PGLYRP2: variants seen among roughly 807,000 people sequenced by gnomAD.
PGLYRP2 encodes N-acetylmuramoyl-L-alanine amidase.
A neutral mutation model predicts 46.2 loss-of-function variants in PGLYRP2; 38 were observed. That is an observed-to-expected ratio of 0.82 (90% CI 0.64 to 1.08). The LOEUF is 1.08. Among genes scored for constraint, PGLYRP2 ranks in the 50% least tolerant of loss-of-function variants. The pLI is 0.00. For synonymous variants in PGLYRP2, 289 were observed against 329.4 expected (o/e 0.88, Z 1.33); for missense variants, 713 against 755.9 (o/e 0.94, Z 0.67).
rs572479573 is a variant in PGLYRP2 at position 15,470,814 on chromosome 19, T to G, written c.1344-885A>C. Among the ~76,000 whole-genome samples the G allele has an allele frequency of 2.5e-3, 385 of 151,394 alleles. 1 individual carries two copies. The highest frequency in any genetic ancestry group is 8.8e-3 in the African/African-American group (364 of 41,226). On this transcript the variant is annotated intron_variant, in intron 3 of 4. Transcript: ENST00000340880. ...CATGCACCACCACGCCCGGCTAATT[T>G]TGTATTTTTAGTAGAGACGGGGTTT...
intron 4 of PGLYRP2, 30 bp from the exon 5 acceptor site, chr19:15,468,782 G>C: frequency 6.4e-7 from 1 of 1,573,754 alleles, no homozygotes; most frequent in Non-Finnish European, 8.7e-7. Context: ...TGTGAGGCTT[G>C]GGGGTGGTTG....
rs1313338773 is a variant in PGLYRP2, at chr19:15,475,786, G to T, written c.884C>A (p.Ser295Tyr). 6.2e-7 allele frequency: 1 copy of T among 1,613,972 alleles called. No homozygotes were observed. Among genetic ancestry groups the T allele is most frequent in the Non-Finnish European group, 8.5e-7 (1 of 1,180,004 alleles). ...GTACTGGCTCAGCAAGTGGCTGAGG[G>T]ATGGCCGGGGCTCAGGAGTCCGGCT... ...YLSRTPEPRP[S>Y]LSHLLSQYYG... Residue 295 changes from serine (S) to tyrosine (Y), a missense_variant, in exon 2 of 5, where the codon TCC becomes TAC. Ser to Tyr is a moderately radical substitution (Grantham distance 144). Coordinates refer to ENST00000340880, the MANE Select transcript of PGLYRP2 (RefSeq NM_052890.4).
chr19:15,475,438 C>CCCTCTGGACTCTCCTAGT, intron 2 of PGLYRP2, 100 bp downstream of exon 2: 2 of 1,193,154 alleles, frequency 1.7e-6, no homozygotes, highest in Non-Finnish European at 2.4e-6. Flanking sequence ...CCTTATTGCC[C>CCCTCTGGACTCTCCTAGT]CCTCTGGACT....
intron 2 of PGLYRP2, 145 bp from the exon 3 acceptor site, chr19:15,472,245 T>A: frequency 1.5e-6 from 1 of 654,058 alleles, no homozygotes; most frequent in Non-Finnish European, 2.6e-6. Context: ...TGGTCCTCCC[T>A]GGGGACCAAC....
chr19:15,476,628 G>C lies in PGLYRP2; in HGVS notation c.62-20C>G. Reference sequence around the variant, plus strand: ...GGGAGGCTGCAGGAGGAAAGAATGTGTTAGCCCAGCCCCACCCATTCCTGA... The same window carrying C: ...GGGAGGCTGCAGGAGGAAAGAATGTCTTAGCCCAGCCCCACCCATTCCTGA... On this transcript the variant is annotated intron_variant, in intron 1 of 4. Transcript: ENST00000340880. 1 of 1,546,854 alleles carries C rather than the reference G, an allele frequency of 6.5e-7. No homozygotes were observed. Among genetic ancestry groups the C allele is most frequent in the Non-Finnish European group, 8.7e-7 (1 of 1,148,212 alleles).
Position 15,469,004 on chromosome 19 carries a change from G to C in PGLYRP2, c.1642-252C>G. 1 of 514,086 alleles carries C rather than the reference G, an allele frequency of 1.9e-6. No homozygotes were observed. Among genetic ancestry groups the C allele is most frequent in the Non-Finnish European group, 3.5e-6 (1 of 288,030 alleles). 31.8% of individuals were successfully genotyped at this position (514,086 alleles called of 1,614,324 possible). ...GTTTTAGTGATGGCGATCAAGGGCT[G>C]GGATGAGGTCATCAGGTCAAAGTTG... On this transcript the variant is annotated intron_variant, in intron 4 of 4. Coordinates refer to ENST00000340880, the MANE Select transcript of PGLYRP2 (RefSeq NM_052890.4). This position sits in a 1 kb window ranked among gnomAD's most constrained non-coding sequence, Gnocchi z 4.9.
chr19:15,479,415 C>G lies in PGLYRP2; in HGVS notation c.-44G>C. 1 of 1,594,350 alleles carries G rather than the reference C, an allele frequency of 6.3e-7. No individual in the cohort carries two copies. The highest frequency in any genetic ancestry group is 8.6e-7 in the Non-Finnish European group (1 of 1,166,098). ...TCCAAGGGGTATTTCTGGTTGGCCT[C>G]GGCAGAGAACCTCGGCAGTGCTGGA... On this transcript the variant is annotated 5_prime_UTR_variant, in exon 1 of 5. Coordinates refer to ENST00000340880, the MANE Select transcript of PGLYRP2 (RefSeq NM_052890.4).
Position 15,477,533 on chromosome 19 carries a change from A to G in PGLYRP2, c.62-925T>C, listed in dbSNP as rs563847766. On this transcript the variant is annotated intron_variant, in intron 1 of 4. Transcript: ENST00000340880. ...ATCAACATGGCGAGACTCCGTCACT[A>G]CTAAAAATACAAAAATTAGCTGGGC... 1.8e-3 allele frequency among the ~76,000 whole-genome samples: 277 copies of G among 151,616 alleles called. 1 individual carries two copies. Among genetic ancestry groups the G allele is most frequent in the Non-Finnish European group, 3.5e-3 (236 of 67,908 alleles).
Position 15,469,991 on chromosome 19 carries a change from C to T in PGLYRP2, c.1344-62G>A, listed in dbSNP as rs1970729989. 1.5e-6 allele frequency: 2 copies of T among 1,336,354 alleles called. No individual in the cohort carries two copies. Among genetic ancestry groups the T allele is most frequent in the African/African-American group, 3.0e-5 (2 of 65,992 alleles). The allele number at this position is 1,336,354 out of a possible 1,614,324, so 82.8% of individuals were successfully genotyped here. On this transcript the variant is annotated intron_variant, in intron 3 of 4. Coordinates refer to ENST00000340880, the MANE Select transcript of PGLYRP2 (RefSeq NM_052890.4). This position sits in a 1 kb window ranked among gnomAD's most constrained non-coding sequence, Gnocchi z 4.9. ...TGAGGGGGACCCGGGCCCTTATCCG[C>T]TCCCCTCCCCGATTCTGTTGGTGTG...
chr19:15,470,237 T>TTCCTTTCCTTCC (rs1970732105), intron 3 of PGLYRP2, among the ~76,000 whole-genome samples: 9 of 113,890 alleles, frequency 7.9e-5, no homozygotes, highest in African/African-American at 1.6e-4. Flanking sequence ...TTGGGTTTTT[T>TTCCTTTCCTTCC]TTCTTTCCTT....
chr19:15,474,022 C>G (rs547139982), intron 2 of PGLYRP2, among the ~76,000 whole-genome samples: 10 of 152,246 alleles, frequency 6.6e-5, no homozygotes, highest in Admixed American at 3.3e-4. Flanking sequence ...TCATCTTACT[C>G]TAATCAGAAT....
intron 4 of PGLYRP2, 97 bp from the exon 5 acceptor site, chr19:15,468,849 A>C: frequency 1.2e-6 from 1 of 853,660 alleles, no homozygotes; most frequent in Non-Finnish European, 1.8e-6. Context: ...GGGAGGGGAC[A>C]GTGGCCCAAA....
Position 15,469,169 on chromosome 19 carries a change from T to C in PGLYRP2, c.1642-417A>G, listed in dbSNP as rs1970719401. On this transcript the variant is annotated intron_variant, in intron 4 of 4. Transcript: ENST00000340880. The surrounding 1 kb of genome is among the most constrained non-coding windows in gnomAD (Gnocchi z 4.9). ...GTTGTGAAGGCAAAAGGTCACAGCCTAGGTTCATGTTGTGTGGACAGAGGG... is the reference window on the plus strand; with the variant it reads ...GTTGTGAAGGCAAAAGGTCACAGCCCAGGTTCATGTTGTGTGGACAGAGGG... 1.7e-6 allele frequency: 1 copy of C among 578,164 alleles called. No individual in the cohort carries two copies. The highest frequency in any genetic ancestry group is 3.2e-5 in the Admixed American group (1 of 31,560). 35.8% of individuals were successfully genotyped at this position (578,164 alleles called of 1,614,324 possible). A position where few individuals can be genotyped will look rare whatever the true frequency, so the allele number is the denominator to read the frequency against.
In PGLYRP2 at chr19:15,476,183, G is replaced by T. The variant is rs1970794081; in HGVS notation, c.487C>A (p.Pro163Thr). The part of the protein sequence containing the change: ...DTFPDVVAIA[P>T]DVRATSSPGL... ...GGGGAGGAGGTGGCTCTTACATCTG[G>T]AGCAATGGCCACAACATCTGGAAAG... is the stretch of plus-strand genomic sequence containing the variant. The change falls in exon 2 of 5, where the codon CCA becomes ACA. Residue 163 changes from proline to threonine, a missense_variant. Pro to Thr is a conservative substitution (Grantham distance 38). Transcript: ENST00000340880. 1 of 1,614,042 alleles carries T rather than the reference G, an allele frequency of 6.2e-7. No homozygotes were observed. The highest frequency in any genetic ancestry group is 1.3e-5 in the African/African-American group (1 of 74,910).
At chr19:15,471,849 G>T (rs1207783653) in intron 3 of PGLYRP2, 41 bp downstream of exon 3, 10 of 1,594,444 alleles carry the variant, frequency 6.3e-6, no homozygotes, top group Non-Finnish European at 7.7e-6. Flanking sequence ...CCCCATCCCC[G>T]AACGTGGGCC....
chr19:15,470,249 C>T (rs541290460), intron 3 of PGLYRP2, among the ~76,000 whole-genome samples: 1,447 of 102,634 alleles, frequency 0.014, 15 homozygotes, highest in East Asian at 0.03. Flanking sequence ...TCTTTCCTTC[C>T]TTCCTTCCTT....
At chr19:15,472,290 TA>T (rs1157163120) in intron 2 of PGLYRP2, among the ~76,000 whole-genome samples, 190 bp from the exon 3 acceptor site, 3 of 151,960 alleles carry the variant, frequency 2.0e-5, no homozygotes, top group Non-Finnish European at 4.4e-5. Flanking sequence ...TTATTTTTAT[TA>T]AAAAAAATTG....
chr19:15,468,991 G>A, intron 4 of PGLYRP2: 1 of 507,500 alleles, frequency 2.0e-6, no homozygotes, highest in Non-Finnish European at 3.5e-6. Context: ...TTTAGTGATG[G>A]CGATCAAGGG....
At chr19:15,473,363 G>C (rs1397290840) in intron 2 of PGLYRP2, among the ~76,000 whole-genome samples, 1 of 150,616 alleles carries the variant, frequency 6.6e-6, no homozygotes, top group African/African-American at 2.4e-5. Flanking sequence ...CCAGCTATGT[G>C]GGAGGCTGAG....
Sources: allele counts gnomAD v4.1 joint callset (sites outside exome capture counted in the v4.1 genomes callset), GRCh38; gene constraint gnomAD v4.1.1; non-coding constraint Gnocchi (gnomAD v3.1); transcripts MANE v1.5; gene names NCBI Gene and HGNC (gene_info 2026-07-23, HGNC 2026-07-21).